SLC5A1: variants seen among roughly 807,000 people sequenced by gnomAD.
The protein encoded by SLC5A1 is solute carrier family 5 member 1.
A neutral mutation model predicts 73.5 loss-of-function variants in SLC5A1; 42 were observed. The observed-to-expected ratio is 0.57, with a 90% CI of 0.45 to 0.74. SLC5A1 has a LOEUF of 0.74. SLC5A1 is among the 30% of genes least tolerant of loss of function. SLC5A1 has a pLI of 0.00. For synonymous variants in SLC5A1, 300 were observed against 317.4 expected (o/e 0.95, Z 0.58); for missense variants, 634 against 855.4 (o/e 0.74, Z 3.23).
intron 5 of SLC5A1, among the ~76,000 whole-genome samples, chr22:32,074,081 C>T (rs781676404): frequency 6.6e-6 from 1 of 152,064 alleles, no homozygotes; most frequent in Non-Finnish European, 1.5e-5. Context: ...TGGTACCTGT[C>T]TACTGTGCAC....
rs200779722 is a variant in SLC5A1, at chr22:32,050,014, G to A, written c.207G>A (p.Pro69=). The change falls in exon 2 of 15, where the codon CCG becomes CCA. Residue 69 remains proline (P), a splice_region_variant and synonymous_variant. Coordinates refer to ENST00000266088, the MANE Select transcript of SLC5A1 (RefSeq NM_000343.4). ...CAGGCCGAAGTATGGTGTGGTGGCC[G>A]GTAAGTTTTCTCTGAAATGCTATTT... ...FLAGRSMVWW[P]IGASLFASNI... 5.4e-5 allele frequency: 87 copies of A among 1,612,856 alleles called. No individual in the cohort carries two copies. The highest frequency in any genetic ancestry group is 1.1e-4 in the East Asian group (5 of 44,868).
chr22:32,048,233 G>A (rs2149482805), intron 1 of SLC5A1, among the ~76,000 whole-genome samples: 1 of 152,060 alleles, frequency 6.6e-6, no homozygotes, highest in African/African-American at 2.4e-5. Context: ...AGTGTTCACT[G>A]AGAGAAGCCA....
chr22:32,069,990 C>A (rs957410806), intron 5 of SLC5A1, among the ~76,000 whole-genome samples: 1 of 152,248 alleles, frequency 6.6e-6, no homozygotes, highest in Non-Finnish European at 1.5e-5. Context: ...CTCTGTGGGC[C>A]TTTAATTGCT....
At chr22:32,109,101 G>A (rs1362643955) in intron 14 of SLC5A1, among the ~76,000 whole-genome samples, 1 of 152,120 alleles carries the variant, frequency 6.6e-6, no homozygotes, top group Non-Finnish European at 1.5e-5. Flanking sequence ...TTGAGCCCAG[G>A]AGTTCACGGC....
intron 2 of SLC5A1, among the ~76,000 whole-genome samples, chr22:32,053,968 G>C (rs944694970): frequency 6.6e-6 from 1 of 152,150 alleles, no homozygotes; most frequent in Non-Finnish European, 1.5e-5. Context: ...TGGATTGGGA[G>C]TTCAAGACCA....
intron 5 of SLC5A1, among the ~76,000 whole-genome samples, chr22:32,073,328 C>T (rs2093985621): frequency 6.6e-6 from 1 of 152,148 alleles, no homozygotes. Context: ...TGGTCTTGCA[C>T]GTAAGTTTTC....
intron 14 of SLC5A1, among the ~76,000 whole-genome samples, chr22:32,108,606 A>G (rs563681034): frequency 3.3e-5 from 5 of 152,146 alleles, no homozygotes; most frequent in Admixed American, 2.6e-4. Context: ...ATGGATTAGG[A>G]GTATTTTGAG....
chr22:32,105,933 C>T (rs555196937), intron 14 of SLC5A1, among the ~76,000 whole-genome samples: 1 of 152,312 alleles, frequency 6.6e-6, no homozygotes, highest in African/African-American at 2.4e-5. Flanking sequence ...TTCTTTATGG[C>T]TGAATAGTAC....
intron 14 of SLC5A1, 150 bp downstream of exon 14, chr22:32,105,041 A>C: frequency 1.4e-6 from 1 of 699,690 alleles, no homozygotes; most frequent in South Asian, 1.6e-5. Flanking sequence ...GAGATGGATA[A>C]GTGGGTTTGG....
rs1022574569 is a variant in SLC5A1, at chr22:32,086,077, C to T, written c.1022-143C>T. 1.6e-4 allele frequency: 105 copies of T among 651,570 alleles called. No homozygotes were observed. The East Asian group carries it at 3.2e-3, about 20-fold the overall frequency. The allele number at this position is 651,570 out of a possible 1,614,324, so 40.4% of individuals were successfully genotyped here. A position where few individuals can be genotyped will look rare whatever the true frequency, so the allele number is the denominator to read the frequency against. ...AATGGCGTGAACCCGGGAGGCAGAGCTTGCAGTGAGCCGAGATCGTGCCAC... is the reference window on the plus strand; with the variant it reads ...AATGGCGTGAACCCGGGAGGCAGAGTTTGCAGTGAGCCGAGATCGTGCCAC... On this transcript the variant is annotated intron_variant, in intron 9 of 14. Transcript: ENST00000266088.
At chr22:32,106,424 T>A (rs1386876612) in intron 14 of SLC5A1, among the ~76,000 whole-genome samples, 1 of 152,216 alleles carries the variant, frequency 6.6e-6, no homozygotes, top group Non-Finnish European at 1.5e-5. Flanking sequence ...CCCCTCATAT[T>A]TGACAGCACT....
chr22:32,071,370 T>C (rs1193686257), intron 5 of SLC5A1, among the ~76,000 whole-genome samples: 1 of 152,170 alleles, frequency 6.6e-6, no homozygotes, highest in Non-Finnish European at 1.5e-5. Flanking sequence ...GGAGGATCAC[T>C]TGATCCCAGG....
At chr22:32,099,131 T>TATATATATAC in intron 11 of SLC5A1, 52 bp from the exon 12 acceptor site, 1 of 650,046 alleles carries the variant, frequency 1.5e-6, no homozygotes, top group East Asian at 4.3e-5. Context: ...TATATATATA[T>TATATATATAC]ACTCATGTAG....
intron 2 of SLC5A1, among the ~76,000 whole-genome samples, chr22:32,059,793 A>C (rs554394925): frequency 6.6e-6 from 1 of 152,276 alleles, no homozygotes; most frequent in South Asian, 2.1e-4. Flanking sequence ...TTTCCCACCA[A>C]GATTTTGAGT....
chr22:32,059,097 C>A lies in SLC5A1; in HGVS notation c.208-7838C>A, dbSNP rs572937036. 9.1e-6 allele frequency: 9 copies of A among 985,432 alleles called. No homozygotes were observed. In the South Asian group the frequency reaches 2.8e-4, roughly 31 times the overall value. 61.0% of individuals were successfully genotyped at this position (985,432 alleles called of 1,614,324 possible). A position where few individuals can be genotyped will look rare whatever the true frequency, so the allele number is the denominator to read the frequency against. Reference sequence around the variant, plus strand: ...TGTCCTCTGTTAAGTGGAAGCAGGACTGGATTGCAGAGAGCCTGGAGTGCC... The same window carrying A: ...TGTCCTCTGTTAAGTGGAAGCAGGAATGGATTGCAGAGAGCCTGGAGTGCC... On this transcript the variant is annotated intron_variant, in intron 2 of 14. Transcript: ENST00000266088.
At chr22:32,079,890 C>A (rs541961891) in intron 5 of SLC5A1, among the ~76,000 whole-genome samples, 125 of 152,280 alleles carry the variant, frequency 8.2e-4, no homozygotes, top group Non-Finnish European at 1.2e-3. Context: ...ACAGCAGAGG[C>A]GCCTTCCTCC....
intron 11 of SLC5A1, among the ~76,000 whole-genome samples, chr22:32,098,377 G>GT (rs1164284397): frequency 6.6e-6 from 1 of 152,192 alleles, no homozygotes; most frequent in African/African-American, 2.4e-5. Context: ...GTGTGTGTTT[G>GT]TATCACTACT....
In SLC5A1 at chr22:32,112,615, G is replaced by C. The variant is rs1026721079; in HGVS notation, c.*2402G>C. 1 of 152,188 alleles carries C rather than the reference G, an allele frequency of 6.6e-6. No individual in the cohort carries two copies. The highest frequency in any genetic ancestry group is 2.4e-5 in the African/African-American group (1 of 41,430). 9.4% of individuals were successfully genotyped at this position (152,188 alleles called of 1,614,324 possible). A position where few individuals can be genotyped will look rare whatever the true frequency, so the allele number is the denominator to read the frequency against. On this transcript the variant is annotated 3_prime_UTR_variant, in exon 15 of 15. Transcript: ENST00000266088. ...AGTACCAAACACAAAAGTCAAGCTT[G>C]TAAAATATCAGGCCTTGCCCCAGAA...
chr22:32,044,963 A>G (rs1329874158), intron 1 of SLC5A1, among the ~76,000 whole-genome samples: 1 of 152,228 alleles, frequency 6.6e-6, no homozygotes, highest in Non-Finnish European at 1.5e-5. Context: ...CAAAAGCCAC[A>G]AGACAGGGAA....
Sources: gnomAD v4.1 joint callset for allele counts (sites outside exome capture counted in the v4.1 genomes callset) on GRCh38, gnomAD v4.1.1 for gene constraint, MANE v1.5 for transcripts, NCBI Gene and HGNC (gene_info 2026-07-23, HGNC 2026-07-21) for gene names.